Variants in KIF6 observed in about 807,000 individuals in gnomAD.
KIF6 encodes kinesin-like protein KIF6.
In KIF6, 106 loss-of-function variants were observed where a neutral mutation model predicts 112.7. That is an observed-to-expected ratio of 0.94 (90% CI 0.80 to 1.11). The LOEUF is 1.11. Ranked by LOEUF, KIF6 falls within the 50% of genes least tolerant of loss-of-function variation. KIF6 has a pLI of 0.00. For synonymous variants in KIF6, 339 were observed against 339.9 expected, an observed-to-expected ratio of 1.00 and a Z score of 0.03; for missense variants, 929 against 964.0, an observed-to-expected ratio of 0.96 and a Z score of 0.48.
chr6:39,651,143 C>T (rs116293315), intron 3 of KIF6, among the ~76,000 whole-genome samples: 1,995 of 152,208 alleles, frequency 0.013, 44 homozygotes, highest in African/African-American at 0.046. Flanking sequence ...AAGTCTTCTA[C>T]AAAAATTTAT....
chr6:39,469,261 CAG>C (rs1210787411), intron 13 of KIF6, among the ~76,000 whole-genome samples: 1 of 151,576 alleles, frequency 6.6e-6, no homozygotes, highest in Non-Finnish European at 1.5e-5. Context: ...AAGGAGGAGA[CAG>C]ATAAAAAGGA....
At chr6:39,657,070 A>C (rs1247799881) in intron 3 of KIF6, among the ~76,000 whole-genome samples, 1 of 151,902 alleles carries the variant, frequency 6.6e-6, no homozygotes, top group Non-Finnish European at 1.5e-5. Context: ...GTCTCTACTA[A>C]AAATACAAAA....
At chr6:39,347,653 C>A (rs1480831247) in intron 19 of KIF6, among the ~76,000 whole-genome samples, 1 of 152,238 alleles carries the variant, frequency 6.6e-6, no homozygotes, top group Non-Finnish European at 1.5e-5. Context: ...ACTCTGGGGA[C>A]ACTTGGGCTG....
intron 10 of KIF6, among the ~76,000 whole-genome samples, chr6:39,566,275 T>A (rs1452571434): frequency 6.6e-6 from 1 of 152,250 alleles, no homozygotes; most frequent in Non-Finnish European, 1.5e-5. Context: ...TTACATCATA[T>A]AAACACACAC....
chr6:39,602,724 T>C (rs1782645914), intron 6 of KIF6, among the ~76,000 whole-genome samples: 1 of 152,186 alleles, frequency 6.6e-6, no homozygotes, highest in African/African-American at 2.4e-5. Flanking sequence ...TCCCTATCAG[T>C]CTTGGGCTTC....
chr6:39,580,736 G>C (rs1781240739), intron 9 of KIF6, among the ~76,000 whole-genome samples: 1 of 152,064 alleles, frequency 6.6e-6, no homozygotes. Context: ...TAGTATAAAA[G>C]AATACCTTGT....
At chr6:39,691,371 AG>A (rs1788199964) in intron 3 of KIF6, 1 of 152,236 alleles carries the variant, frequency 6.6e-6, no homozygotes, top group South Asian at 2.1e-4. Flanking sequence ...TAAGAGCCTA[AG>A]GGCAAGTGAA....
intron 12 of KIF6, among the ~76,000 whole-genome samples, chr6:39,541,740 C>G (rs753821563): frequency 7.2e-5 from 11 of 152,122 alleles, no homozygotes; most frequent in Non-Finnish European, 2.9e-5. Context: ...TGGGCAGCTG[C>G]TATACATTGG....
At position 39,334,791 on chromosome 6, in the gene KIF6, T is replaced by C. The variant is rs1260042220; in HGVS notation, c.*1741A>G. ...GAGAGTGTGTGTGTGTATGTGTGTG[T>C]GTGTGTGCAGTTACATGTGTGTTCC... On this transcript the variant is annotated 3_prime_UTR_variant, in exon 23 of 23. Transcript: ENST00000287152. The C allele has an allele frequency of 6.6e-6, 1 of 152,178 alleles. No homozygotes were observed. The highest frequency in any genetic ancestry group is 1.5e-5 in the Non-Finnish European group (1 of 68,092). The allele number at this position is 152,178 out of a possible 1,614,324, so 9.4% of individuals were successfully genotyped here. A position where few individuals can be genotyped will look rare whatever the true frequency, so the allele number is the denominator to read the frequency against.
At chr6:39,467,115 A>T (rs1218292866) in intron 13 of KIF6, among the ~76,000 whole-genome samples, 1 of 152,186 alleles carries the variant, frequency 6.6e-6, no homozygotes, top group East Asian at 1.9e-4. Flanking sequence ...AGAGACTATG[A>T]GGAAGTTCAA....
At chr6:39,530,124 C>A (rs1001567323) in intron 13 of KIF6, among the ~76,000 whole-genome samples, 2 of 152,204 alleles carry the variant, frequency 1.3e-5, no homozygotes, top group Admixed American at 1.3e-4. Flanking sequence ...CTTGGCATTG[C>A]CTACAGCATG....
intron 22 of KIF6, among the ~76,000 whole-genome samples, chr6:39,339,844 G>A (rs1197703120): frequency 6.6e-6 from 1 of 152,202 alleles, no homozygotes; most frequent in Non-Finnish European, 1.5e-5. Context: ...TGAAGCCTAA[G>A]AGCTGGCGAG....
chr6:39,471,273 C>T (rs531622527), intron 13 of KIF6, among the ~76,000 whole-genome samples: 11 of 152,250 alleles, frequency 7.2e-5, no homozygotes, highest in Admixed American at 3.3e-4. Context: ...GCATTTGCTG[C>T]GTGTCTTGTG....
chr6:39,573,393 G>T (rs913905159), intron 10 of KIF6, among the ~76,000 whole-genome samples: 2 of 152,178 alleles, frequency 1.3e-5, no homozygotes, highest in African/African-American at 4.8e-5. Context: ...TCTTAAGTCC[G>T]TTGAAATGTA....
chr6:39,707,464 G>A (rs1371445393), intron 3 of KIF6, among the ~76,000 whole-genome samples: 1 of 152,214 alleles, frequency 6.6e-6, no homozygotes, highest in Non-Finnish European at 1.5e-5. Flanking sequence ...TCCAATCTGG[G>A]CAGGGTGGTT....
At chr6:39,681,378 C>T (rs1787499405) in intron 3 of KIF6, among the ~76,000 whole-genome samples, 2 of 152,008 alleles carry the variant, frequency 1.3e-5, no homozygotes, top group East Asian at 1.9e-4. Context: ...TTTTCTGGCC[C>T]TTGTTCATGT....
intron 3 of KIF6, among the ~76,000 whole-genome samples, chr6:39,689,460 G>A (rs1788057686): frequency 6.6e-6 from 1 of 151,950 alleles, no homozygotes; most frequent in African/African-American, 2.4e-5. Flanking sequence ...TCACACCACT[G>A]CACTCCAGCC....
chr6:39,402,901 C>G (rs929584147), intron 15 of KIF6, among the ~76,000 whole-genome samples: 2 of 152,166 alleles, frequency 1.3e-5, no homozygotes, highest in South Asian at 2.1e-4. Context: ...ATCGTAGAAG[C>G]CCTCAATTTC....
At chr6:39,698,248 C>T (rs159958) in intron 3 of KIF6, among the ~76,000 whole-genome samples, 131,959 of 152,204 alleles carry the variant, frequency 0.87, 57,497 homozygotes, top group East Asian at 0.97. Flanking sequence ...TACATAAACA[C>T]AGCATAGCAG....
Sources: gnomAD v4.1 joint callset for allele counts (sites outside exome capture counted in the v4.1 genomes callset) on GRCh38, gnomAD v4.1.1 for gene constraint, MANE v1.5 for transcripts, NCBI Gene and HGNC (gene_info 2026-07-23, HGNC 2026-07-21) for gene names.